AKAP7: variants seen among roughly 807,000 people sequenced by gnomAD.
AKAP7 encodes A kinase (PRKA) anchor protein 7.
AKAP7 carries 39 observed loss-of-function variants against 39.5 expected under a neutral mutation model. The observed-to-expected ratio is 0.99, with a 90% CI of 0.76 to 1.29. The LOEUF is 1.29. AKAP7 is among the 50% of genes most tolerant of loss of function. The probability of loss-of-function intolerance (pLI) is 0.00; values close to 1 mark genes in which losing one functional copy is unlikely to be tolerated. For missense variants in AKAP7, 414 were observed against 407.7 expected (o/e 1.02, Z -0.13); for synonymous variants, 140 against 139.1 (o/e 1.01, Z -0.05).
At chr6:131,171,538 A>G (rs565147336) in intron 5 of AKAP7, among the ~76,000 whole-genome samples, 1 of 152,268 alleles carries the variant, frequency 6.6e-6, no homozygotes, top group African/African-American at 2.4e-5. Context: ...TCGTATGCTA[A>G]AGGGAGCAGT....
At chr6:131,261,545 C>T (rs527781470) in intron 7 of AKAP7, among the ~76,000 whole-genome samples, 6 of 152,032 alleles carry the variant, frequency 3.9e-5, no homozygotes, top group African/African-American at 7.2e-5. Flanking sequence ...CTATTATATA[C>T]CCAGTACTGT....
At chr6:131,167,466 C>T (rs1212250399) in intron 4 of AKAP7, among the ~76,000 whole-genome samples, 1 of 152,120 alleles carries the variant, frequency 6.6e-6, no homozygotes, top group African/African-American at 2.4e-5. Flanking sequence ...CTTGAATTCC[C>T]CCAACTTATA....
At chr6:131,147,877 A>G (rs1181127870) in intron 2 of AKAP7, among the ~76,000 whole-genome samples, 1 of 152,224 alleles carries the variant, frequency 6.6e-6, no homozygotes, top group East Asian at 1.9e-4. Context: ...GCTTACATAT[A>G]TCTAATGTAT....
chr6:131,183,969 G>A (rs1805557784), intron 5 of AKAP7, among the ~76,000 whole-genome samples: 1 of 152,176 alleles, frequency 6.6e-6, no homozygotes, highest in African/African-American at 2.4e-5. Context: ...GCAGAACAGA[G>A]AGAGAAGTGA....
intron 7 of AKAP7, among the ~76,000 whole-genome samples, chr6:131,255,967 C>T (rs776556464): frequency 6.6e-6 from 1 of 152,104 alleles, no homozygotes; most frequent in Non-Finnish European, 1.5e-5. Context: ...TTCAAGACTG[C>T]TTATTAAATG....
intron 5 of AKAP7, among the ~76,000 whole-genome samples, chr6:131,171,197 C>G (rs1366580941): frequency 6.6e-6 from 1 of 151,980 alleles, no homozygotes; most frequent in Non-Finnish European, 1.5e-5. Flanking sequence ...CTTTAAGGAG[C>G]ATATAGCCTT....
In AKAP7 at chr6:131,250,245, G is replaced by A. The variant is rs75097296; in HGVS notation, c.850+30437G>A. On this transcript the variant is annotated intron_variant, in intron 7 of 7. Coordinates refer to ENST00000431975, the MANE Select transcript of AKAP7 (RefSeq NM_016377.4). Reference sequence around the variant, plus strand: ...AAAGACATATGCAAATAGCCAGACAGAACACATGGCACTGACCTATGGCCA... The same window carrying A: ...AAAGACATATGCAAATAGCCAGACAAAACACATGGCACTGACCTATGGCCA... 1.5e-3 allele frequency: 1,631 copies of A among 1,088,048 alleles called. 18 individuals are homozygous for A. In the African/African-American group the frequency reaches 0.025, roughly 17 times the overall value. 67.4% of individuals were successfully genotyped at this position (1,088,048 alleles called of 1,614,324 possible).
intron 5 of AKAP7, among the ~76,000 whole-genome samples, chr6:131,194,656 T>A (rs556088411): frequency 6.6e-6 from 1 of 152,194 alleles, no homozygotes; most frequent in South Asian, 2.1e-4. Context: ...ATGCAGCTAT[T>A]ATTGTATTGG....
chr6:131,174,859 A>G (rs1201300324), intron 5 of AKAP7, among the ~76,000 whole-genome samples: 1 of 151,748 alleles, frequency 6.6e-6, no homozygotes, highest in African/African-American at 2.4e-5. Context: ...GATAATTTGT[A>G]AAGAAAGTAA....
Position 131,166,035 on chromosome 6 carries a change from A to G in AKAP7, c.428+818A>G, listed in dbSNP as rs538088496. Among the ~76,000 whole-genome samples, 24 of 152,316 alleles carry G rather than the reference A, an allele frequency of 1.6e-4. No homozygotes were observed. The East Asian group carries it at 4.4e-3, about 28-fold the overall frequency. Reference sequence around the variant, plus strand: ...GGCTTGAATTAGGAAGGGATTGAGGAAAAGGTAAAATAAAAGGGATAAGAT... The same window carrying G: ...GGCTTGAATTAGGAAGGGATTGAGGGAAAGGTAAAATAAAAGGGATAAGAT... On this transcript the variant is annotated intron_variant, in intron 4 of 7. Coordinates refer to ENST00000431975, the MANE Select transcript of AKAP7 (RefSeq NM_016377.4).
intron 7 of AKAP7, among the ~76,000 whole-genome samples, chr6:131,254,814 C>T (rs138912727): frequency 6.6e-6 from 1 of 152,124 alleles, no homozygotes; most frequent in Non-Finnish European, 1.5e-5. Flanking sequence ...TAACAAGACA[C>T]ATTTTAATTT....
chr6:131,164,234 C>G (rs1803257367), intron 3 of AKAP7: 1 of 377,442 alleles, frequency 2.6e-6, no homozygotes, highest in Admixed American at 3.0e-5. Context: ...GTCTTCTGTT[C>G]CCTTAGGGCT....
chr6:131,223,392 T>C (rs561448528), intron 7 of AKAP7, among the ~76,000 whole-genome samples: 19 of 152,164 alleles, frequency 1.2e-4, no homozygotes, highest in Non-Finnish European at 2.5e-4. Flanking sequence ...AGAGACACAA[T>C]TTTACTTCCA....
Position 131,135,760 on chromosome 6 carries a change from G to T in AKAP7, c.-4G>T. 8.1e-7 allele frequency: 1 copy of T among 1,228,402 alleles called. No individual in the cohort carries two copies. The highest frequency in any genetic ancestry group is 4.3e-5 in the Admixed American group (1 of 23,338). 76.1% of individuals were successfully genotyped at this position (1,228,402 alleles called of 1,614,324 possible). The stretch of plus-strand genomic sequence containing the variant: ...CAGACGCGCCGCCCGCATGCGCCGC[G>T]ACCATGGAGCGCCCCGAAGCGGGTG... On this transcript the variant is annotated 5_prime_UTR_variant, in exon 1 of 8. Transcript: ENST00000431975.
intron 7 of AKAP7, among the ~76,000 whole-genome samples, chr6:131,236,065 T>G (rs150209358): frequency 0.027 from 4,151 of 152,306 alleles, 130 homozygotes; most frequent in African/African-American, 0.074. Context: ...TTAATCCAAC[T>G]TGAATTAATT....
chr6:131,158,834 A>G (rs1034219311), intron 2 of AKAP7, among the ~76,000 whole-genome samples: 1 of 151,642 alleles, frequency 6.6e-6, no homozygotes, highest in Admixed American at 6.6e-5. Flanking sequence ...ACAGTAAACT[A>G]CTATTCAAGA....
At chr6:131,259,439 G>T (rs1813126089) in intron 7 of AKAP7, among the ~76,000 whole-genome samples, 1 of 152,178 alleles carries the variant, frequency 6.6e-6, no homozygotes, top group Non-Finnish European at 1.5e-5. Context: ...GAAGGTAGAA[G>T]AATTAGTGGT....
At chr6:131,258,989 A>C (rs1813090466) in intron 7 of AKAP7, among the ~76,000 whole-genome samples, 1 of 152,062 alleles carries the variant, frequency 6.6e-6, no homozygotes, top group Non-Finnish European at 1.5e-5. Flanking sequence ...TGCTGATGGG[A>C]GAGGGAAGAA....
intron 5 of AKAP7, chr6:131,184,303 G>A (rs1405913637): frequency 2.1e-5 from 12 of 574,534 alleles, no homozygotes; most frequent in African/African-American, 5.9e-5. Context: ...TAGATATGTC[G>A]GGGAGCAGGG....
Sources: allele counts gnomAD v4.1 joint callset (sites outside exome capture counted in the v4.1 genomes callset), GRCh38; gene constraint gnomAD v4.1.1; transcripts MANE v1.5; gene names NCBI Gene and HGNC (gene_info 2026-07-23, HGNC 2026-07-21).